FRA10AC1: variants seen among roughly 807,000 people sequenced by gnomAD.
The protein encoded by FRA10AC1 is FRA10A associated CGG repeat 1.
Under a neutral mutation model 56.5 loss-of-function variants are expected in FRA10AC1, and 43 were observed. The ratio of observed to expected loss-of-function variants is 0.76; its 90% CI spans 0.60 to 0.98. The LOEUF (loss-of-function observed/expected upper bound fraction) is 0.98. Among genes scored for constraint, FRA10AC1 ranks in the 50% least tolerant of loss-of-function variants. The probability of loss-of-function intolerance (pLI) is 0.00; values close to 1 mark genes in which losing one functional copy is unlikely to be tolerated. For synonymous variants in FRA10AC1, 112 were observed against 110.5 expected (o/e 1.01, Z -0.09); for missense variants, 346 against 351.8 (o/e 0.98, Z 0.13).
chr10:93,678,232 A>T (rs765107017), intron 11 of FRA10AC1, among the ~76,000 whole-genome samples: 4 of 152,204 alleles, frequency 2.6e-5, no homozygotes, highest in Non-Finnish European at 5.9e-5. Context: ...ATGGTGAGAC[A>T]GATAAGATTC....
chr10:93,700,012 TAAAA>T lies in FRA10AC1; in HGVS notation c.77+14_77+17del. 1 of 1,319,914 alleles carries T rather than the reference TAAAA, an allele frequency of 7.6e-7. No homozygotes were observed. The highest frequency in any genetic ancestry group is 1.1e-6 in the Non-Finnish European group (1 of 929,430). The allele number at this position is 1,319,914 out of a possible 1,614,324, so 81.8% of individuals were successfully genotyped here. A position where few individuals can be genotyped will look rare whatever the true frequency, so the allele number is the denominator to read the frequency against. ...AGAAAGGATGTGAAAAATAGATCAA[TAAAA>T]AAAAATTACTTACCTTTTTTTCCTT... On this transcript the variant is annotated intron_variant, in intron 2 of 13. Transcript: ENST00000359204.
chr10:93,687,996 C>T (rs1409148107), intron 7 of FRA10AC1: 1 of 152,034 alleles, frequency 6.6e-6, no homozygotes. Flanking sequence ...TAGTATACTC[C>T]AACAATCATG....
At chr10:93,701,460 G>C (rs568839171) in intron 1 of FRA10AC1, among the ~76,000 whole-genome samples, 5 of 152,198 alleles carry the variant, frequency 3.3e-5, no homozygotes, top group East Asian at 1.9e-4. Flanking sequence ...TATTAAATAA[G>C]ATAGCTACAT....
Position 93,676,650 on chromosome 10 carries a change from TACTA to T in FRA10AC1, c.825_826+2del. ...TTTTATTAAATAAACACTTGTTACT[TACTA>T]AGTAGAGAATCTTCAGATTTCTTTG... On this transcript the variant is annotated splice_donor_variant and coding_sequence_variant, in exon 12 of 14. Transcript: ENST00000359204. LOFTEE classifies it high-confidence loss of function. 1 of 1,558,486 alleles carries T rather than the reference TACTA, an allele frequency of 6.4e-7. No individual in the cohort carries two copies. The highest frequency in any genetic ancestry group is 8.6e-7 in the Non-Finnish European group (1 of 1,158,290).
intron 13 of FRA10AC1, 49 bp downstream of exon 13, chr10:93,670,721 C>G (rs1394257926): frequency 8.1e-7 from 1 of 1,230,012 alleles, no homozygotes; most frequent in Non-Finnish European, 1.2e-6. Flanking sequence ...GTTATAGCTT[C>G]CTAAACTGAT....
chr10:93,696,197 T>C (rs2133940129), intron 4 of FRA10AC1, among the ~76,000 whole-genome samples: 1 of 152,286 alleles, frequency 6.6e-6, no homozygotes, highest in East Asian at 1.9e-4. Context: ...ACCTATGGTA[T>C]GACATGATAG....
intron 9 of FRA10AC1, 122 bp downstream of exon 9, chr10:93,685,124 A>C (rs2059002283): frequency 1.7e-6 from 1 of 600,028 alleles, no homozygotes. Flanking sequence ...GGAAGCTCCA[A>C]GAAAAAAGAG....
At chr10:93,681,931 G>A (rs1427111245) in intron 10 of FRA10AC1, among the ~76,000 whole-genome samples, 1 of 151,662 alleles carries the variant, frequency 6.6e-6, no homozygotes, top group Admixed American at 6.6e-5. Flanking sequence ...ACAAAAAAAA[G>A]CCTCATTTCC....
intron 4 of FRA10AC1, among the ~76,000 whole-genome samples, chr10:93,697,329 A>T (rs2059249975): frequency 6.6e-6 from 1 of 152,210 alleles, no homozygotes; most frequent in African/African-American, 2.4e-5. Context: ...AAGAAGAATA[A>T]ATCAATTAGT....
At chr10:93,698,947 G>C (rs1040698533) in intron 2 of FRA10AC1, among the ~76,000 whole-genome samples, 2 of 152,144 alleles carry the variant, frequency 1.3e-5, no homozygotes, top group Non-Finnish European at 2.9e-5. Flanking sequence ...GCTATCATTA[G>C]TGTATTTTAC....
At chr10:93,691,933 G>A in intron 7 of FRA10AC1, 76 bp downstream of exon 7, 1 of 1,397,358 alleles carries the variant, frequency 7.2e-7, no homozygotes, top group Non-Finnish European at 9.6e-7. Flanking sequence ...AGAATAATGT[G>A]GGGCATGACA....
intron 4 of FRA10AC1, among the ~76,000 whole-genome samples, chr10:93,696,767 T>C (rs1398451118): frequency 3.9e-5 from 6 of 152,210 alleles, no homozygotes; most frequent in African/African-American, 9.6e-5. Context: ...TGGAATACTA[T>C]GCAACCACAA....
intron 1 of FRA10AC1, 115 bp downstream of exon 1, chr10:93,702,260 A>AAAAAAAC (rs2059346792): frequency 6.6e-6 from 1 of 152,170 alleles, no homozygotes; most frequent in African/African-American, 2.4e-5. Context: ...ATCCAAAAAA[A>AAAAAAAC]AAAAAACCAA....
At chr10:93,697,204 T>C (rs1037456862) in intron 4 of FRA10AC1, among the ~76,000 whole-genome samples, 1 of 152,180 alleles carries the variant, frequency 6.6e-6, no homozygotes, top group Non-Finnish European at 1.5e-5. Flanking sequence ...CACCAGGCTA[T>C]AACTAGGTGC....
chr10:93,675,758 T>C (rs572122385), intron 12 of FRA10AC1: 1 of 267,000 alleles, frequency 3.7e-6, no homozygotes, highest in East Asian at 1.2e-4. Flanking sequence ...AGTTTCTAAA[T>C]TTCTATGAGA....
At chr10:93,681,781 C>T (rs2058939780) in intron 10 of FRA10AC1, among the ~76,000 whole-genome samples, 183 bp from the exon 11 acceptor site, 1 of 151,956 alleles carries the variant, frequency 6.6e-6, no homozygotes, top group Non-Finnish European at 1.5e-5. Flanking sequence ...TAAAATCATT[C>T]TATAAGATAA....
chr10:93,671,747 C>T (rs2058765420), intron 12 of FRA10AC1: 2 of 272,480 alleles, frequency 7.3e-6, no homozygotes, highest in African/African-American at 2.3e-5. Context: ...AAAACATATG[C>T]ACATTATATA....
intron 8 of FRA10AC1, among the ~76,000 whole-genome samples, chr10:93,686,273 T>C (rs939181085): frequency 6.6e-6 from 1 of 151,902 alleles, no homozygotes; most frequent in African/African-American, 2.4e-5. Context: ...TAAATCTATA[T>C]GTTTAGTAGG....
chr10:93,694,499 A>G (rs974551147), intron 5 of FRA10AC1, among the ~76,000 whole-genome samples: 2 of 151,984 alleles, frequency 1.3e-5, no homozygotes, highest in Admixed American at 1.3e-4. Context: ...GTGGATCACA[A>G]GGTCACGAGT....
Sources: gnomAD v4.1 joint callset for allele counts (sites outside exome capture counted in the v4.1 genomes callset) on GRCh38, gnomAD v4.1.1 for gene constraint, MANE v1.5 for transcripts, NCBI Gene and HGNC (gene_info 2026-07-23, HGNC 2026-07-21) for gene names.